Variants in SGCZ observed in about 807,000 individuals in gnomAD.
SGCZ encodes the protein sarcoglycan zeta, also known as zeta-sarcoglycan.
A neutral mutation model predicts 41.3 loss-of-function variants in SGCZ; 40 were observed. The ratio of observed to expected loss-of-function variants is 0.97; its 90% CI spans 0.75 to 1.26. SGCZ has a LOEUF of 1.26. Among genes scored for constraint, SGCZ ranks in the 50% most tolerant of loss-of-function variants. The probability of loss-of-function intolerance (pLI) is 0.00; values close to 1 mark genes in which losing one functional copy is unlikely to be tolerated. For missense variants in SGCZ, 552 were observed against 369.8 expected, an observed-to-expected ratio of 1.49 and a Z score of -4.04; for synonymous variants, 206 against 137.5, an observed-to-expected ratio of 1.50 and a Z score of -3.49.
intron 2 of SGCZ, among the ~76,000 whole-genome samples, chr8:14,487,333 T>A (rs962328794): frequency 2.0e-5 from 3 of 152,306 alleles, no homozygotes; most frequent in Middle Eastern, 3.4e-3. Context: ...TGTTGATTTT[T>A]AAAAAATAAT....
At chr8:14,575,122 T>G (rs532070541) in intron 1 of SGCZ, among the ~76,000 whole-genome samples, 218 of 152,328 alleles carry the variant, frequency 1.4e-3, no homozygotes, top group African/African-American at 5.0e-3. Context: ...GAAAATAAAT[T>G]TGTGTTCATT....
intron 3 of SGCZ, among the ~76,000 whole-genome samples, chr8:14,262,502 T>C (rs1449484682): frequency 3.3e-5 from 5 of 152,028 alleles, no homozygotes; most frequent in Admixed American, 3.3e-4. Context: ...CAAATAGCCA[T>C]AGTATTTCAA....
chr8:15,116,772 C>T (rs921434604), intron 1 of SGCZ, among the ~76,000 whole-genome samples: 2 of 152,176 alleles, frequency 1.3e-5, no homozygotes, highest in African/African-American at 2.4e-5. Flanking sequence ...TCTCTCTTTC[C>T]TAACATGTCA....
chr8:14,363,967 G>A (rs1803614719), intron 2 of SGCZ, among the ~76,000 whole-genome samples: 1 of 151,998 alleles, frequency 6.6e-6, no homozygotes, highest in African/African-American at 2.4e-5. Context: ...GAGTGCAGAA[G>A]TAACATACTC....
intron 1 of SGCZ, among the ~76,000 whole-genome samples, chr8:14,902,788 C>G (rs917276193): frequency 6.6e-6 from 1 of 152,072 alleles, no homozygotes; most frequent in Non-Finnish European, 1.5e-5. Flanking sequence ...GGTCAGTTAC[C>G]TTAATCAGGA....
At chr8:14,883,910 A>C (rs1158293157) in intron 1 of SGCZ, among the ~76,000 whole-genome samples, 7 of 151,646 alleles carry the variant, frequency 4.6e-5, no homozygotes, top group Non-Finnish European at 8.8e-5. Context: ...CTGTTTACTG[A>C]AGTAAGAATT....
At chr8:14,124,268 C>G (rs1253723565) in intron 5 of SGCZ, among the ~76,000 whole-genome samples, 1 of 151,944 alleles carries the variant, frequency 6.6e-6, no homozygotes, top group African/African-American at 2.4e-5. Context: ...TTTCCTTTGT[C>G]CTTCACTCCC....
intron 1 of SGCZ, among the ~76,000 whole-genome samples, chr8:14,780,299 C>CG (rs1036998964): frequency 1.4e-5 from 2 of 147,626 alleles, no homozygotes; most frequent in African/African-American, 2.5e-5. Flanking sequence ...AGCACGAACC[C>CG]GGGGGGCAGA....
rs573331620 is a variant in SGCZ, at chr8:14,221,426, C to G, written c.424+16166G>C. The stretch of plus-strand genomic sequence containing the variant: ...TTTTTGCTGTGTTGTGTATCCATTC[C>G]TACCACAGTGCCTGAAATATGGTGG... On this transcript the variant is annotated intron_variant, in intron 4 of 7. Transcript: ENST00000382080. 1.2e-4 allele frequency among the ~76,000 whole-genome samples: 18 copies of G among 152,280 alleles called. No homozygotes were observed. The South Asian group carries it at 3.1e-3, about 26-fold the overall frequency.
intron 1 of SGCZ, among the ~76,000 whole-genome samples, chr8:14,927,366 C>A (rs941993095): frequency 6.6e-6 from 1 of 152,188 alleles, no homozygotes; most frequent in East Asian, 1.9e-4. Flanking sequence ...GCCTCGGCCT[C>A]CCAAAGTGCT....
intron 1 of SGCZ, among the ~76,000 whole-genome samples, chr8:15,093,631 C>T (rs1386022576): frequency 3.3e-5 from 5 of 152,096 alleles, no homozygotes; most frequent in Non-Finnish European, 7.4e-5. Context: ...GTAGGCATAC[C>T]TCTTCATCAG....
chr8:14,668,341 G>GT (rs142684468), intron 1 of SGCZ, among the ~76,000 whole-genome samples: 6,546 of 152,106 alleles, frequency 0.043, 228 homozygotes, highest in African/African-American at 0.096. Context: ...TGAATATATG[G>GT]TTTTTTCAGT....
At chr8:14,396,056 G>T (rs543447992) in intron 2 of SGCZ, among the ~76,000 whole-genome samples, 6 of 152,094 alleles carry the variant, frequency 3.9e-5, no homozygotes, top group African/African-American at 1.4e-4. Flanking sequence ...ATTTTTAAAT[G>T]TAAGACCAAG....
intron 4 of SGCZ, among the ~76,000 whole-genome samples, chr8:14,167,585 G>C (rs148258007): frequency 6.6e-6 from 1 of 151,972 alleles, no homozygotes; most frequent in Non-Finnish European, 1.5e-5. Context: ...AAGAAGGAAA[G>C]AGAATTGGCA....
chr8:14,316,568 C>G (rs1202612975), intron 3 of SGCZ, among the ~76,000 whole-genome samples: 1 of 151,972 alleles, frequency 6.6e-6, no homozygotes, highest in Non-Finnish European at 1.5e-5. Flanking sequence ...CTTGACCTAT[C>G]AGAGGCTGTT....
At chr8:14,445,433 G>C (rs1303498682) in intron 2 of SGCZ, among the ~76,000 whole-genome samples, 1 of 152,166 alleles carries the variant, frequency 6.6e-6, no homozygotes, top group Non-Finnish European at 1.5e-5. Context: ...CTTCAGAGGA[G>C]AGACACCTGG....
At chr8:14,168,256 G>A (rs1804267326) in intron 4 of SGCZ, among the ~76,000 whole-genome samples, 1 of 151,934 alleles carries the variant, frequency 6.6e-6, no homozygotes, top group Admixed American at 6.6e-5. Flanking sequence ...AATTGCTGTG[G>A]GCCAAATCAG....
chr8:14,745,617 GTGTA>G (rs924051597), intron 1 of SGCZ, among the ~76,000 whole-genome samples: 1 of 151,808 alleles, frequency 6.6e-6, no homozygotes, highest in Non-Finnish European at 1.5e-5. Flanking sequence ...ATGTGTGCCT[GTGTA>G]TGTATGTACA....
At chr8:14,110,983 G>C (rs1802353896) in intron 5 of SGCZ, among the ~76,000 whole-genome samples, 1 of 152,052 alleles carries the variant, frequency 6.6e-6, no homozygotes, top group African/African-American at 2.4e-5. Flanking sequence ...GAACCTGGGA[G>C]GCAAAGGTTG....
Sources: gnomAD v4.1 joint callset for allele counts (sites outside exome capture counted in the v4.1 genomes callset) on GRCh38, gnomAD v4.1.1 for gene constraint, MANE v1.5 for transcripts, NCBI Gene and HGNC (gene_info 2026-07-23, HGNC 2026-07-21) for gene names.